The following CFAP43 variants were observed in gnomAD, a reference collection of about 807,000 sequenced individuals.
CFAP43 encodes the protein cilia and flagella associated protein 43.
In CFAP43, 155 loss-of-function variants were observed where a neutral mutation model predicts 218.9. The observed-to-expected ratio is 0.71, with a 90% confidence interval of 0.62 to 0.81. The LOEUF (loss-of-function observed/expected upper bound fraction) is 0.81, where lower values mean the gene tolerates loss of function less well. Ranked by LOEUF, CFAP43 falls within the 30% of genes least tolerant of loss-of-function variation. CFAP43 has a pLI of 0.00. For synonymous variants in CFAP43, 645 were observed against 681.3 expected (o/e 0.95, Z 0.83); for missense variants, 1,778 against 1,954.3 (o/e 0.91, Z 1.70).
At chr10:104,195,908 A>T (rs542274631) in intron 10 of CFAP43, among the ~76,000 whole-genome samples, 1 of 152,336 alleles carries the variant, frequency 6.6e-6, no homozygotes, top group East Asian at 1.9e-4. Context: ...GAGTGGAATG[A>T]ATCTAACTCC....
Position 104,161,038 on chromosome 10 carries a change from T to G in CFAP43, c.3539A>C (p.Lys1180Thr). 6.2e-7 allele frequency: 1 copy of G among 1,605,426 alleles called. No homozygotes were observed. ...ATATTAATTATTTGCTCTTCTGACC[T>G]TTCTATACTTATCTCTTTCTTCATT... ...ELNEERDKYR[K>T]SLEAELKKLQ... Residue 1180 changes from lysine (K) to threonine (T), a missense_variant and splice_region_variant, in exon 27 of 38, where the codon AAG becomes ACG. Coordinates refer to ENST00000357060, the MANE Select transcript of CFAP43 (RefSeq NM_025145.7).
intron 19 of CFAP43, among the ~76,000 whole-genome samples, chr10:104,174,438 C>T (rs2089533502): frequency 6.6e-6 from 1 of 152,164 alleles, no homozygotes; most frequent in African/African-American, 2.4e-5. Flanking sequence ...TTATTCACTA[C>T]TGCAAGAATA....
chr10:104,191,037 T>G (rs1413356684), intron 12 of CFAP43, among the ~76,000 whole-genome samples: 1 of 152,244 alleles, frequency 6.6e-6, no homozygotes, highest in Non-Finnish European at 1.5e-5. Context: ...CCTCAATAAG[T>G]GTTGGCTGTT....
rs892973766 is a variant in CFAP43 at position 104,186,505 on chromosome 10, C to A, written c.1861-382G>T. ...GCATTCCTACCTCCAAGCCTCTGCACGTGTCCTTCCTTTTGTCTGGAATGC... is the reference window on the plus strand; with the variant it reads ...GCATTCCTACCTCCAAGCCTCTGCAAGTGTCCTTCCTTTTGTCTGGAATGC... On this transcript the variant is annotated intron_variant, in intron 14 of 37. Coordinates refer to ENST00000357060, the MANE Select transcript of CFAP43 (RefSeq NM_025145.7). Among the ~76,000 whole-genome samples, 3 of 152,174 alleles carry A rather than the reference C, an allele frequency of 2.0e-5. No homozygotes were observed. In the East Asian group the frequency reaches 5.8e-4, roughly 29 times the overall value.
At chr10:104,194,392 A>G (rs2090325968) in intron 10 of CFAP43, among the ~76,000 whole-genome samples, 1 of 152,214 alleles carries the variant, frequency 6.6e-6, no homozygotes, top group Admixed American at 6.5e-5. Context: ...AGAAATTCTT[A>G]GCATCTTTTA....
chr10:104,216,354 G>A (rs1034358193), intron 3 of CFAP43, among the ~76,000 whole-genome samples: 18 of 152,100 alleles, frequency 1.2e-4, no homozygotes, highest in African/African-American at 3.9e-4. Context: ...CCTCTTATGG[G>A]ACACCACAGA....
At chr10:104,154,333 A>T (rs1198610351) in intron 27 of CFAP43, among the ~76,000 whole-genome samples, 1 of 152,240 alleles carries the variant, frequency 6.6e-6, no homozygotes, top group East Asian at 1.9e-4. Flanking sequence ...AAAGAGACTG[A>T]TTCCGGGAGG....
chr10:104,223,979 A>G (rs1273933062), intron 3 of CFAP43, among the ~76,000 whole-genome samples: 1 of 152,188 alleles, frequency 6.6e-6, no homozygotes, highest in East Asian at 1.9e-4. Context: ...CAGAAACTAC[A>G]TTACTGACAA....
At chr10:104,189,521 C>T (rs1489943792) in intron 12 of CFAP43, among the ~76,000 whole-genome samples, 1 of 152,186 alleles carries the variant, frequency 6.6e-6, no homozygotes. Flanking sequence ...CTGTGTCAGC[C>T]TGTACTTTCA....
chr10:104,133,892 TTC>T (rs1390657739), intron 34 of CFAP43, 108 bp from the exon 35 acceptor site: 4 of 1,041,956 alleles, frequency 3.8e-6, no homozygotes, highest in Non-Finnish European at 4.0e-6. Context: ...ACAGAGATAA[TTC>T]TGTCTTCTTT....
chr10:104,206,076 G>A (rs1179176316), intron 6 of CFAP43, 46 bp from the exon 7 acceptor site: 2 of 1,445,578 alleles, frequency 1.4e-6, no homozygotes, highest in Non-Finnish European at 1.9e-6. Flanking sequence ...GTAATTAAAA[G>A]TACAATGTAA....
chr10:104,140,734 G>T, intron 34 of CFAP43, 108 bp downstream of exon 34: 1 of 810,196 alleles, frequency 1.2e-6, no homozygotes, highest in Non-Finnish European at 1.8e-6. Flanking sequence ...GATCTATTGA[G>T]CCTAGCTAAG....
chr10:104,214,482 GA>G lies in CFAP43; in HGVS notation c.417-57del. The G allele has an allele frequency of 2.9e-6, 4 of 1,377,618 alleles. No individual in the cohort carries two copies. In the South Asian group the frequency reaches 6.4e-5, roughly 22 times the overall value. 85.3% of individuals were successfully genotyped at this position (1,377,618 alleles called of 1,614,324 possible). On this transcript the variant is annotated intron_variant, in intron 3 of 37. Transcript: ENST00000357060. ...AGTTCATTTGAATTTCATGTATTTA[GA>G]ACATTTATCTATTTTTTAATTTACA...
At chr10:104,139,618 TC>T (rs1045025343) in intron 34 of CFAP43, among the ~76,000 whole-genome samples, 7 of 152,112 alleles carry the variant, frequency 4.6e-5, no homozygotes, top group African/African-American at 1.2e-4. Context: ...AACCTGGCAA[TC>T]CAGTGAATCT....
intron 19 of CFAP43, among the ~76,000 whole-genome samples, chr10:104,176,401 A>G (rs1286964526): frequency 6.6e-6 from 1 of 152,254 alleles, no homozygotes; most frequent in Non-Finnish European, 1.5e-5. Context: ...GTCATTTAAA[A>G]TCAGAGGTAA....
intron 20 of CFAP43, among the ~76,000 whole-genome samples, chr10:104,170,709 A>G (rs2089372692): frequency 6.6e-6 from 1 of 152,136 alleles, no homozygotes; most frequent in Non-Finnish European, 1.5e-5. Flanking sequence ...GATTGTGATG[A>G]TCAAAATAAA....
Position 104,203,758 on chromosome 10 carries a change from T to C in CFAP43, c.1009A>G (p.Ile337Val), listed in dbSNP as rs146586735. The change falls in exon 8 of 38, where the codon ATC (isoleucine) becomes GTC (valine). Residue 337 changes from isoleucine (I) to valine (V), a missense_variant. Transcript: ENST00000357060. ...SFIIKDRSYM[I>V]EDFLEIERPV... ...CTTTCAATCTCAAGAAAATCCTCGA[T>C]CATGTAACTTCTATCTTTAATAATA... is the stretch of plus-strand genomic sequence containing the variant. The C allele has an allele frequency of 1.2e-6, 2 of 1,610,268 alleles. No individual in the cohort carries two copies. Among genetic ancestry groups the C allele is most frequent in the Non-Finnish European group, 1.7e-6 (2 of 1,178,484 alleles).
intron 20 of CFAP43, among the ~76,000 whole-genome samples, chr10:104,170,082 C>T (rs17823862): frequency 0.06 from 9,181 of 152,202 alleles, 320 homozygotes; most frequent in South Asian, 0.094. Context: ...TGATCCTAAA[C>T]ATGCTGAAAG....
chr10:104,131,521 ATTTTG>A (rs1282074580), intron 36 of CFAP43, 37 bp from the exon 37 acceptor site: 1 of 1,577,724 alleles, frequency 6.3e-7, no homozygotes, highest in Non-Finnish European at 8.6e-7. Flanking sequence ...CACAAAATTA[ATTTTG>A]AAAAATGTAA....
Sources: gnomAD v4.1 joint callset for allele counts (sites outside exome capture counted in the v4.1 genomes callset) on GRCh38, gnomAD v4.1.1 for gene constraint, MANE v1.5 for transcripts, NCBI Gene and HGNC (gene_info 2026-07-23, HGNC 2026-07-21) for gene names.